The following ZSWIM9 variants were observed in gnomAD, a reference collection of about 807,000 sequenced individuals.
ZSWIM9 encodes uncharacterized protein ZSWIM9.
ZSWIM9 carries 11 observed loss-of-function variants against 25.0 expected under a neutral mutation model. The observed-to-expected ratio is 0.44, with a 90% CI of 0.28 to 0.73. ZSWIM9 has a LOEUF of 0.73. Among genes scored for constraint, ZSWIM9 ranks in the 30% least tolerant of loss-of-function variants. ZSWIM9 has a pLI of 0.16. For missense variants in ZSWIM9, 1,070 were observed against 1,296.5 expected, an observed-to-expected ratio of 0.83 and a Z score of 2.68; for synonymous variants, 562 against 582.1, an observed-to-expected ratio of 0.97 and a Z score of 0.50.
At position 48,197,016 on chromosome 19, in the gene ZSWIM9, T is replaced by A; in HGVS notation, c.*189T>A. ...GGCAAGCTGTAAGTGGTCTCTGAGG[T>A]CCTGGAGCCACAGCTTGGGAAGGTG... On this transcript the variant is annotated 3_prime_UTR_variant, in exon 4 of 4. Coordinates refer to ENST00000614654, the MANE Select transcript of ZSWIM9 (RefSeq NM_199341.4). 1.7e-6 allele frequency: 1 copy of A among 574,712 alleles called. No homozygotes were observed. The highest frequency in any genetic ancestry group is 2.9e-6 in the Non-Finnish European group (1 of 342,186). 35.6% of individuals were successfully genotyped at this position (574,712 alleles called of 1,614,324 possible).
chr19:48,196,103 A>C lies in ZSWIM9; in HGVS notation c.2039A>C (p.Asp680Ala). ...KSLELAPENGDQRGPQWEDER... is the reference protein window; with the variant it reads ...KSLELAPENGAQRGPQWEDER... Reference sequence around the variant, plus strand: ...CTGGAGTTGGCCCCTGAGAACGGAGACCAAAGGGGACCCCAGTGGGAAGAT... The same window carrying C: ...CTGGAGTTGGCCCCTGAGAACGGAGCCCAAAGGGGACCCCAGTGGGAAGAT... Residue 680 changes from aspartate (D) to alanine (A), a missense_variant, in exon 4 of 4, where the codon GAC becomes GCC. Asp to Ala is a moderately radical substitution (Grantham distance 126, BLOSUM62 -2). Transcript: ENST00000614654. The C allele has an allele frequency of 8.1e-7, 1 of 1,242,004 alleles. No individual in the cohort carries two copies. Among genetic ancestry groups the C allele is most frequent in the Non-Finnish European group, 1.0e-6 (1 of 994,588 alleles). The allele number at this position is 1,242,004 out of a possible 1,614,324, so 76.9% of individuals were successfully genotyped here. A position where few individuals can be genotyped will look rare whatever the true frequency, so the allele number is the denominator to read the frequency against.
At chr19:48,183,645 CT>C (rs763723066) in intron 3 of ZSWIM9, among the ~76,000 whole-genome samples, 42,299 of 140,148 alleles carry the variant, frequency 0.3, 6,966 homozygotes, top group East Asian at 0.54. Context: ...TTTTTTTAAT[CT>C]TTTTTTTTTT....
chr19:48,178,148 T>C (rs996388258), intron 2 of ZSWIM9, among the ~76,000 whole-genome samples: 1 of 152,240 alleles, frequency 6.6e-6, no homozygotes, highest in African/African-American at 2.4e-5. Context: ...TCCGCCCGCC[T>C]TGGCCTCCCA....
Position 48,194,837 on chromosome 19 carries a change from C to A in ZSWIM9, c.773C>A (p.Ala258Asp). The change falls in exon 4 of 4, where the codon GCT (alanine) becomes GAT (aspartate). Residue 258 changes from alanine (A) to aspartate (D), a missense_variant. Physicochemically the swap from Ala to Asp is moderately radical, Grantham distance 126. Around this residue, in one of 4 missense-constraint regions of ZSWIM9, gnomAD observed 38 missense variants for 89.7 expected, o/e 0.42. Coordinates refer to ENST00000614654, the MANE Select transcript of ZSWIM9 (RefSeq NM_199341.4). This position sits in a 1 kb window ranked among gnomAD's most constrained non-coding sequence, Gnocchi z 6.0. Reference sequence around the variant, plus strand: ...GACGGCTCGGGCCGTGCGCGCCAGGCTGCCTGCTGCGTGGCGCGCCCGGGC... The same window carrying A: ...GACGGCTCGGGCCGTGCGCGCCAGGATGCCTGCTGCGTGGCGCGCCCGGGC... Reference protein sequence around the residue: ...CVDGSGRARQAACCVARPGTP... With the variant: ...CVDGSGRARQDACCVARPGTP... 7.1e-7 allele frequency: 1 copy of A among 1,404,992 alleles called. No homozygotes were observed. Among genetic ancestry groups the A allele is most frequent in the South Asian group, 1.5e-5 (1 of 66,546 alleles). 87.0% of individuals were successfully genotyped at this position (1,404,992 alleles called of 1,614,324 possible).
chr19:48,171,699 C>G, intron 1 of ZSWIM9, 95 bp from the exon 2 acceptor site: 1 of 1,259,244 alleles, frequency 7.9e-7, no homozygotes, highest in Non-Finnish European at 1.1e-6. Context: ...GATAGAGGCA[C>G]CAGCAACCGA....
chr19:48,191,482 G>A lies in ZSWIM9; in HGVS notation c.589-3171G>A, dbSNP rs2037094072. On this transcript the variant is annotated intron_variant, in intron 3 of 3. Coordinates refer to ENST00000614654, the MANE Select transcript of ZSWIM9 (RefSeq NM_199341.4). ...GGCTTCCCAAAGTGCTGGGATTACA[G>A]GCGTAAGCCACTGTGCCCAGCCTTA... 5.3e-5 allele frequency among the ~76,000 whole-genome samples: 8 copies of A among 152,184 alleles called. 1 individual carries two copies. In the South Asian group the frequency reaches 1.7e-3, roughly 32 times the overall value.
intron 3 of ZSWIM9, chr19:48,190,615 G>A (rs546225777): frequency 6.5e-6 from 1 of 154,960 alleles, no homozygotes; most frequent in African/African-American, 2.4e-5. Flanking sequence ...AAGGGGGCAG[G>A]GAGGTGCAAC....
intron 3 of ZSWIM9, among the ~76,000 whole-genome samples, chr19:48,188,493 C>T (rs1429262138): frequency 6.6e-6 from 1 of 151,936 alleles, no homozygotes; most frequent in Non-Finnish European, 1.5e-5. Context: ...TCCCAAAGTG[C>T]TGGGATTACA....
chr19:48,196,872 G>A lies in ZSWIM9; in HGVS notation c.*45G>A, dbSNP rs914508664. ...CCACCCTCCACCAGGAGGGTCGGAG[G>A]GCATTCTTCGATCCCAAAGATAATA... On this transcript the variant is annotated 3_prime_UTR_variant, in exon 4 of 4. Transcript: ENST00000614654. The A allele has an allele frequency of 2.4e-6, 3 of 1,250,166 alleles. No homozygotes were observed. The highest frequency in any genetic ancestry group is 3.9e-5 in the Admixed American group (1 of 25,550). 77.4% of individuals were successfully genotyped at this position (1,250,166 alleles called of 1,614,324 possible). A position where few individuals can be genotyped will look rare whatever the true frequency, so the allele number is the denominator to read the frequency against.
At position 48,194,513 on chromosome 19, in the gene ZSWIM9, C is replaced by G; in HGVS notation, c.589-140C>G. 4.4e-6 allele frequency: 4 copies of G among 901,244 alleles called. No individual in the cohort carries two copies. Among genetic ancestry groups the G allele is most frequent in the Non-Finnish European group, 6.1e-6 (4 of 660,486 alleles). The allele number at this position is 901,244 out of a possible 1,614,324, so 55.8% of individuals were successfully genotyped here. A position where few individuals can be genotyped will look rare whatever the true frequency, so the allele number is the denominator to read the frequency against. On this transcript the variant is annotated intron_variant, in intron 3 of 3. Transcript: ENST00000614654. This position sits in a 1 kb window ranked among gnomAD's most constrained non-coding sequence, Gnocchi z 6.0. ...TTTCCCTGCACTGCCTCCTGCCGGT[C>G]AAAAGAATAAATGCATATGCAGGCA...
rs2037019163 is a variant in ZSWIM9 at position 48,186,990 on chromosome 19, G to T, written c.588+4223G>T. Reference sequence around the variant, plus strand: ...AACGAGATTTGGAGGTCTAGCTGCTGCTGAAACAGCCCTCAGTTCGTCTTT... The same window carrying T: ...AACGAGATTTGGAGGTCTAGCTGCTTCTGAAACAGCCCTCAGTTCGTCTTT... On this transcript the variant is annotated intron_variant, in intron 3 of 3. Transcript: ENST00000614654. Among the ~76,000 whole-genome samples the T allele has an allele frequency of 2.0e-5, 3 of 152,110 alleles. No homozygotes were observed. The South Asian group carries it at 6.2e-4, about 32-fold the overall frequency.
intron 1 of ZSWIM9, chr19:48,171,383 A>G (rs1227215512): frequency 1.0e-6 from 1 of 985,202 alleles, no homozygotes; most frequent in Non-Finnish European, 1.2e-6. Context: ...CGAGAGTTAG[A>G]AGTTACTCTT....
At chr19:48,191,824 GT>G (rs1476975007) in intron 3 of ZSWIM9, 2 of 153,836 alleles carry the variant, frequency 1.3e-5, no homozygotes, top group Non-Finnish European at 2.9e-5. Context: ...AGCCAGCCCT[GT>G]TTGGTCAATT....
chr19:48,177,777 T>A (rs2036908177), intron 2 of ZSWIM9, among the ~76,000 whole-genome samples: 1 of 152,264 alleles, frequency 6.6e-6, no homozygotes, highest in Non-Finnish European at 1.5e-5. Flanking sequence ...ACTTGCAATC[T>A]TGATAAATCA....
intron 2 of ZSWIM9, among the ~76,000 whole-genome samples, chr19:48,173,074 T>A (rs1339193678): frequency 6.6e-6 from 1 of 152,148 alleles, no homozygotes; most frequent in Non-Finnish European, 1.5e-5. Context: ...CCAGGTCCCA[T>A]GCTGTGGGCT....
intron 1 of ZSWIM9, chr19:48,171,270 A>C: frequency 1.0e-6 from 1 of 985,320 alleles, no homozygotes; most frequent in Non-Finnish European, 1.2e-6. Context: ...TGACCGGGTG[A>C]GGGGTCCGTG....
In ZSWIM9 at chr19:48,171,820, C is replaced by T. The variant is rs954905339; in HGVS notation, c.18C>T (p.Pro6=). 4.6e-6 allele frequency: 7 copies of T among 1,533,158 alleles called. No homozygotes were observed. The highest frequency in any genetic ancestry group is 6.1e-6 in the Non-Finnish European group (7 of 1,145,732). 95.0% of individuals were successfully genotyped at this position (1,533,158 alleles called of 1,614,324 possible). MERPE[P]PPGTAAGQEE... is the part of the protein sequence containing the mutation. ...CCCCCAGGATGGAGCGGCCGGAGCC[C>T]CCACCCGGCACGGCTGCGGGGCAGG... Residue 6 remains proline, a synonymous_variant, in exon 2 of 4, where the codon CCC becomes CCT. Transcript: ENST00000614654.
rs990933162 is a variant in ZSWIM9 at position 48,196,448 on chromosome 19, T to C, written c.2384T>C (p.Leu795Pro). 10 of 1,232,254 alleles carry C rather than the reference T, an allele frequency of 8.1e-6. No homozygotes were observed. The South Asian group carries it at 4.1e-4, about 51-fold the overall frequency. The allele number at this position is 1,232,254 out of a possible 1,614,324, so 76.3% of individuals were successfully genotyped here. ...GAACACCTGGCTGCAGGTGACGGCC[T>C]GCAGGAAGGAGGCGAAGATGGCCCC... is the stretch of plus-strand genomic sequence containing the variant. ...RSEHLAAGDG[L>P]QEGGEDGPRE... The change falls in exon 4 of 4, where the codon CTG becomes CCG. Residue 795 changes from leucine to proline, a missense_variant. Coordinates refer to ENST00000614654, the MANE Select transcript of ZSWIM9 (RefSeq NM_199341.4).
chr19:48,179,151 C>G (rs531650289), intron 2 of ZSWIM9, among the ~76,000 whole-genome samples: 47 of 151,440 alleles, frequency 3.1e-4, no homozygotes, highest in East Asian at 3.9e-4. Flanking sequence ...TTTTTTTTTC[C>G]TATTCCCTTT....
Sources: gnomAD v4.1 joint callset for allele counts (sites outside exome capture counted in the v4.1 genomes callset) on GRCh38, gnomAD v4.1.1 for gene constraint, gnomAD v4.1.1 regional missense constraint, Gnocchi (gnomAD v3.1) non-coding constraint, MANE v1.5 for transcripts, NCBI Gene and HGNC (gene_info 2026-07-23, HGNC 2026-07-21) for gene names.